The following TMCC3 variants were observed in gnomAD, a reference collection of about 807,000 sequenced individuals.
TMCC3 encodes transmembrane and coiled-coil domain family 3.
A neutral mutation model predicts 40.2 loss-of-function variants in TMCC3; 28 were observed. The ratio of observed to expected loss-of-function variants is 0.70; its 90% CI spans 0.52 to 0.95. The LOEUF is 0.95. Ranked by LOEUF, TMCC3 falls within the 40% of genes least tolerant of loss-of-function variation. The probability of loss-of-function intolerance (pLI) is 0.00; values close to 1 mark genes in which losing one functional copy is unlikely to be tolerated. For synonymous variants in TMCC3, 255 were observed against 248.5 expected (o/e 1.03, Z -0.25); for missense variants, 554 against 615.2 (o/e 0.90, Z 1.05).
chr12:94,598,489 C>G (rs2068731692), intron 1 of TMCC3: 1 of 691,510 alleles, frequency 1.4e-6, no homozygotes. Flanking sequence ...CTCAATTTGG[C>G]ATTCATAAGT....
chr12:94,625,713 C>T (rs370755777), intron 1 of TMCC3, among the ~76,000 whole-genome samples: 5 of 152,090 alleles, frequency 3.3e-5, no homozygotes, highest in Admixed American at 1.3e-4. Flanking sequence ...AGGGTTGAGG[C>T]TTTCCATCAT....
At chr12:94,586,623 A>C (rs930468174) in intron 1 of TMCC3, among the ~76,000 whole-genome samples, 1 of 149,918 alleles carries the variant, frequency 6.7e-6, no homozygotes, top group Non-Finnish European at 1.5e-5. Context: ...ATTTTACCTT[A>C]CCAAACCGAG....
chr12:94,634,422 A>G lies in TMCC3; in HGVS notation c.78+15931T>C, dbSNP rs76401182. On this transcript the variant is annotated intron_variant, in intron 1 of 3. Coordinates refer to ENST00000261226, the MANE Select transcript of TMCC3 (RefSeq NM_020698.4). ...TGGCCAAAAAAACAAAAGTTTAAAA[A>G]AAAAAAGTCTGTTGGAATGGTAGGC... Among the ~76,000 whole-genome samples, 194 of 152,294 alleles carry G rather than the reference A, an allele frequency of 1.3e-3. 1 individual carries two copies. In the East Asian group the frequency reaches 0.029, roughly 23 times the overall value.
At chr12:94,606,144 T>C (rs928683069) in intron 1 of TMCC3, among the ~76,000 whole-genome samples, 4 of 152,238 alleles carry the variant, frequency 2.6e-5, no homozygotes, top group African/African-American at 9.6e-5. Flanking sequence ...GGTCTGTACC[T>C]GACCTAGAGC....
chr12:94,613,609 A>AT (rs1305356252), intron 1 of TMCC3, among the ~76,000 whole-genome samples: 2 of 152,228 alleles, frequency 1.3e-5, no homozygotes, highest in Non-Finnish European at 2.9e-5. Context: ...AATCTTGAGA[A>AT]TAGTTAAACC....
At chr12:94,574,112 G>C (rs1397584840) in intron 3 of TMCC3, among the ~76,000 whole-genome samples, 1 of 152,162 alleles carries the variant, frequency 6.6e-6, no homozygotes, top group African/African-American at 2.4e-5. Flanking sequence ...GATGGGTACA[G>C]TGGCGCATGC....
intron 1 of TMCC3, among the ~76,000 whole-genome samples, chr12:94,635,712 C>T (rs956952065): frequency 7.9e-6 from 1 of 127,364 alleles, no homozygotes; most frequent in African/African-American, 3.0e-5. Context: ...GTTGCCCAGG[C>T]TGGATGGAGT....
Position 94,581,653 on chromosome 12 carries a change from T to C in TMCC3, c.964A>G (p.Ile322Val). Residue 322 changes from isoleucine (I) to valine (V), a missense_variant, in exon 2 of 4, where the codon ATT (isoleucine) becomes GTT (valine). By Grantham distance (29) the Ile-to-Val change is conservative. Coordinates refer to ENST00000261226, the MANE Select transcript of TMCC3 (RefSeq NM_020698.4). ...KVQFKREYGF[I>V]SQTLQEERYR... is the part of the protein sequence containing the mutation. ...CTTTCCTCTTGCAGGGTCTGAGAAA[T>C]AAAACCATATTCTCTCTTAAACTGC... is the stretch of plus-strand genomic sequence containing the variant. The C allele has an allele frequency of 5.0e-6, 8 of 1,593,394 alleles. No homozygotes were observed.
chr12:94,594,508 CT>C (rs1344538137), intron 1 of TMCC3, among the ~76,000 whole-genome samples: 1 of 152,154 alleles, frequency 6.6e-6, no homozygotes, highest in Non-Finnish European at 1.5e-5. Flanking sequence ...AACTTAAGGT[CT>C]TTTGGGGGCA....
At chr12:94,583,847 G>A (rs1220736645) in intron 1 of TMCC3, among the ~76,000 whole-genome samples, 1 of 152,162 alleles carries the variant, frequency 6.6e-6, no homozygotes, top group Non-Finnish European at 1.5e-5. Context: ...TGTTCCTGGA[G>A]GATGAAAAAC....
At chr12:94,631,079 G>C (rs754578086) in intron 1 of TMCC3, among the ~76,000 whole-genome samples, 1 of 152,150 alleles carries the variant, frequency 6.6e-6, no homozygotes, top group Non-Finnish European at 1.5e-5. Context: ...ATAACCACTT[G>C]ACATGTCAAA....
chr12:94,637,279 G>C (rs192504831), intron 1 of TMCC3, among the ~76,000 whole-genome samples: 89 of 152,272 alleles, frequency 5.8e-4, no homozygotes, highest in African/African-American at 2.1e-3. Context: ...TGGGTGAGGG[G>C]TACATGGGAC....
intron 1 of TMCC3, among the ~76,000 whole-genome samples, chr12:94,631,359 AG>A (rs937540421): frequency 1.3e-5 from 2 of 152,230 alleles, no homozygotes; most frequent in African/African-American, 4.8e-5. Context: ...ATTTCAAGAT[AG>A]GGACTTTAAA....
At chr12:94,574,611 C>CT (rs2068553139) in intron 3 of TMCC3, among the ~76,000 whole-genome samples, 1 of 152,160 alleles carries the variant, frequency 6.6e-6, no homozygotes, top group African/African-American at 2.4e-5. Flanking sequence ...CTCTATGGGC[C>CT]AAAGAACAGG....
chr12:94,582,996 A>ATTTTT (rs1566316435), intron 1 of TMCC3, among the ~76,000 whole-genome samples: 20 of 22,092 alleles, frequency 9.1e-4, no homozygotes, highest in Non-Finnish European at 1.2e-3. Context: ...TTTTTTTTTA[A>ATTTTT]AAAAGAAAGA....
intron 2 of TMCC3, among the ~76,000 whole-genome samples, chr12:94,579,747 G>A (rs1227490266): frequency 6.6e-6 from 1 of 152,148 alleles, no homozygotes. Context: ...TGCTGCTACT[G>A]CTGTGAATAA....
chr12:94,615,194 T>C (rs574603650), intron 1 of TMCC3, among the ~76,000 whole-genome samples: 5 of 152,200 alleles, frequency 3.3e-5, no homozygotes, highest in African/African-American at 4.8e-5. Context: ...AAGTCTTCTA[T>C]GACAAAGAGC....
rs200578739 is a variant in TMCC3, at chr12:94,594,214, T to C, written c.79-11676A>G. On this transcript the variant is annotated intron_variant, in intron 1 of 3. Coordinates refer to ENST00000261226, the MANE Select transcript of TMCC3 (RefSeq NM_020698.4). ...TTAAATTTAAATATATATATATATA[T>C]ATACACACACACACACACAGAGTGA... Among the ~76,000 whole-genome samples the C allele has an allele frequency of 2.4e-4, 23 of 96,702 alleles. 2 individuals carry two copies. The highest frequency in any genetic ancestry group is 8.6e-4 in the African/African-American group (23 of 26,886). The allele number at this position is 96,702 out of a possible 152,430, so 63.4% of individuals were successfully genotyped here. A position where few individuals can be genotyped will look rare whatever the true frequency, so the allele number is the denominator to read the frequency against.
At chr12:94,594,203 A>G (rs113096315) in intron 1 of TMCC3, among the ~76,000 whole-genome samples, 2 of 65,226 alleles carry the variant, frequency 3.1e-5, no homozygotes, top group African/African-American at 1.1e-4. Context: ...ATTTAAATAT[A>G]TATATATATA....
Sources: gnomAD v4.1 joint callset for allele counts (sites outside exome capture counted in the v4.1 genomes callset) on GRCh38, gnomAD v4.1.1 for gene constraint, MANE v1.5 for transcripts, NCBI Gene and HGNC (gene_info 2026-07-23, HGNC 2026-07-21) for gene names.